Variants in MYO1D observed in about 807,000 individuals in gnomAD.
The protein encoded by MYO1D is unconventional myosin-Id.
MYO1D carries 83 observed loss-of-function variants against 122.0 expected under a neutral mutation model. That is an observed-to-expected ratio of 0.68 (90% confidence interval 0.57 to 0.82). The LOEUF is 0.82. MYO1D is among the 40% of genes least tolerant of loss of function. The probability of loss-of-function intolerance (pLI) is 0.00; values close to 1 mark genes in which losing one functional copy is unlikely to be tolerated. For missense variants in MYO1D, 1,157 were observed against 1,269.5 expected (o/e 0.91, Z 1.35); for synonymous variants, 464 against 446.9 (o/e 1.04, Z -0.48).
intron 16 of MYO1D, among the ~76,000 whole-genome samples, chr17:32,701,360 C>T (rs1270718179): frequency 1.3e-5 from 2 of 152,120 alleles, no homozygotes; most frequent in Non-Finnish European, 2.9e-5. Flanking sequence ...GCTATTTAGA[C>T]TGTTCCAAAA....
At chr17:32,540,043 A>C (rs759789691) in intron 21 of MYO1D, among the ~76,000 whole-genome samples, 3 of 152,252 alleles carry the variant, frequency 2.0e-5, no homozygotes, top group Non-Finnish European at 4.4e-5. Flanking sequence ...TTCAAAGGAT[A>C]CTGCCAAAAA....
intron 12 of MYO1D, among the ~76,000 whole-genome samples, chr17:32,746,461 TG>T (rs2089839344): frequency 1.3e-5 from 2 of 152,228 alleles, no homozygotes; most frequent in Admixed American, 6.5e-5. Context: ...CACACAAACC[TG>T]GAAGTATTTC....
chr17:32,753,748 A>G (rs988521378), intron 11 of MYO1D, among the ~76,000 whole-genome samples: 2 of 152,168 alleles, frequency 1.3e-5, no homozygotes, highest in East Asian at 1.9e-4. Context: ...AAACACAAAA[A>G]TTAGCTGGGC....
At chr17:32,719,378 C>A (rs1289946592) in intron 15 of MYO1D, among the ~76,000 whole-genome samples, 2 of 137,876 alleles carry the variant, frequency 1.5e-5, no homozygotes, top group African/African-American at 2.7e-5. Context: ...GAGACGGAGT[C>A]TCGCTCTGTC....
intron 20 of MYO1D, among the ~76,000 whole-genome samples, chr17:32,607,515 A>G (rs1023882951): frequency 6.6e-5 from 10 of 152,160 alleles, no homozygotes; most frequent in Admixed American, 3.9e-4. Flanking sequence ...AATAAAAGAA[A>G]ACCTAAATAA....
At chr17:32,624,694 A>T (rs894467832) in intron 20 of MYO1D, among the ~76,000 whole-genome samples, 1 of 152,166 alleles carries the variant, frequency 6.6e-6, no homozygotes, top group Admixed American at 6.5e-5. Flanking sequence ...TACAAATAAA[A>T]GTATAACGTG....
intron 21 of MYO1D, among the ~76,000 whole-genome samples, chr17:32,522,880 G>A (rs535091960): frequency 5.3e-5 from 8 of 150,566 alleles, no homozygotes; most frequent in East Asian, 2.0e-4. Context: ...GCAGTGGTGC[G>A]ATCTCGGCTC....
intron 16 of MYO1D, among the ~76,000 whole-genome samples, chr17:32,689,377 G>A (rs1305461398): frequency 6.6e-6 from 1 of 152,140 alleles, no homozygotes; most frequent in Non-Finnish European, 1.5e-5. Context: ...ATCTTATTTT[G>A]AAATTGAATT....
chr17:32,548,623 T>C (rs1422788491), intron 21 of MYO1D, among the ~76,000 whole-genome samples: 1 of 151,992 alleles, frequency 6.6e-6, no homozygotes, highest in Admixed American at 6.6e-5. Context: ...CCAGTGCCAG[T>C]GGGAAGTCAC....
Position 32,755,832 on chromosome 17 carries a change from T to G in MYO1D, c.1297-170A>C, listed in dbSNP as rs1192958866. ...AAAGAGTACACATTCTAACAGAGGT[T>G]TATTTTTAAATTTCTTTGTTAACTT... On this transcript the variant is annotated intron_variant, in intron 10 of 21. Transcript: ENST00000318217. 3 of 518,732 alleles carry G rather than the reference T, an allele frequency of 5.8e-6. No individual in the cohort carries two copies. The African/African-American group carries it at 5.9e-5, about 10-fold the overall frequency. 32.1% of individuals were successfully genotyped at this position (518,732 alleles called of 1,614,324 possible). A position where few individuals can be genotyped will look rare whatever the true frequency, so the allele number is the denominator to read the frequency against.
At chr17:32,855,163 G>A (rs1343916247) in intron 1 of MYO1D, among the ~76,000 whole-genome samples, 2 of 152,132 alleles carry the variant, frequency 1.3e-5, no homozygotes, top group Non-Finnish European at 2.9e-5. Flanking sequence ...TTTCCTCCAT[G>A]ATTTCCTTGA....
intron 21 of MYO1D, among the ~76,000 whole-genome samples, chr17:32,532,743 AC>A (rs1459763214): frequency 5.6e-5 from 8 of 141,864 alleles, no homozygotes; most frequent in Admixed American, 3.6e-4. Flanking sequence ...AAAAAAAAAA[AC>A]CAAACGAGTG....
At chr17:32,839,697 T>C (rs1305270428) in intron 1 of MYO1D, among the ~76,000 whole-genome samples, 2 of 152,300 alleles carry the variant, frequency 1.3e-5, no homozygotes, top group East Asian at 3.9e-4. Flanking sequence ...ACAGGACACA[T>C]AATTCTGTGA....
intron 1 of MYO1D, among the ~76,000 whole-genome samples, chr17:32,842,930 C>T (rs1368181726): frequency 6.8e-6 from 1 of 147,066 alleles, no homozygotes; most frequent in Non-Finnish European, 1.5e-5. Context: ...GCTCTGTAGC[C>T]CAGGCTGGAG....
chr17:32,719,524 G>T (rs1223996938), intron 15 of MYO1D, among the ~76,000 whole-genome samples: 2 of 151,866 alleles, frequency 1.3e-5, no homozygotes, highest in African/African-American at 4.8e-5. Flanking sequence ...CTAATTTTTT[G>T]TATTTTTAGT....
chr17:32,703,101 C>T (rs779913786), intron 16 of MYO1D, among the ~76,000 whole-genome samples: 1 of 152,110 alleles, frequency 6.6e-6, no homozygotes, highest in Non-Finnish European at 1.5e-5. Context: ...AGAGGAAAGG[C>T]CTTGCCCTCT....
intron 1 of MYO1D, among the ~76,000 whole-genome samples, chr17:32,791,532 A>G (rs1282340343): frequency 1.3e-5 from 2 of 152,126 alleles, no homozygotes; most frequent in Admixed American, 6.5e-5. Flanking sequence ...CACACCCTGA[A>G]TTATTTAATG....
chr17:32,546,388 C>T (rs567852241), intron 21 of MYO1D, among the ~76,000 whole-genome samples: 2 of 152,340 alleles, frequency 1.3e-5, no homozygotes, highest in South Asian at 4.1e-4. Flanking sequence ...AGCACTCCAG[C>T]TCCATAATTA....
intron 21 of MYO1D, among the ~76,000 whole-genome samples, chr17:32,597,896 A>ATC (rs1264747096): frequency 6.7e-6 from 1 of 150,000 alleles, no homozygotes; most frequent in Admixed American, 6.6e-5. Context: ...AAAAAAAGAA[A>ATC]TCTCGTTTCA....
Sources: gnomAD v4.1 joint callset for allele counts (sites outside exome capture counted in the v4.1 genomes callset) on GRCh38, gnomAD v4.1.1 for gene constraint, MANE v1.5 for transcripts, NCBI Gene and HGNC (gene_info 2026-07-23, HGNC 2026-07-21) for gene names.